The following AASDH variants were observed in gnomAD, a reference collection of about 807,000 sequenced individuals.
AASDH encodes the protein aminoadipate-semialdehyde dehydrogenase, also known as beta-alanine-activating enzyme.
AASDH carries 81 observed loss-of-function variants against 102.3 expected under a neutral mutation model. The observed-to-expected ratio is 0.79, with a 90% CI of 0.66 to 0.95. AASDH has a LOEUF of 0.95. Among genes scored for constraint, AASDH ranks in the 40% least tolerant of loss-of-function variants. The pLI is 0.00. For synonymous variants in AASDH, 398 were observed against 454.0 expected (o/e 0.88, Z 1.57); for missense variants, 1,203 against 1,266.2 (o/e 0.95, Z 0.76).
Position 56,378,289 on chromosome 4 carries a change from T to C in AASDH, c.527A>G (p.Asn176Ser), listed in dbSNP as rs761387093. Residue 176 changes from asparagine to serine, a missense_variant, in exon 4 of 15, where the codon AAT (asparagine) becomes AGT (serine). Physicochemically the swap from Asn to Ser is conservative, Grantham distance 46 (BLOSUM62 1). Coordinates refer to ENST00000205214, the MANE Select transcript of AASDH (RefSeq NM_181806.4). ...CATGTGTTCTTCTGCTTTTTCTTCATTGACATGCTCAGAACTTATGCTTTT... is the reference window on the plus strand; with the variant it reads ...CATGTGTTCTTCTGCTTTTTCTTCACTGACATGCTCAGAACTTATGCTTTT... Reference protein sequence around the residue: ...KIKSISSEHVNEEKAEEHMDL... With the variant: ...KIKSISSEHVSEEKAEEHMDL... 1.1e-5 allele frequency: 17 copies of C among 1,614,132 alleles called. No individual in the cohort carries two copies. Among genetic ancestry groups the C allele is most frequent in the Admixed American group, 5.0e-5 (3 of 60,010 alleles).
chr4:56,356,624 A>G (rs994578426), intron 5 of AASDH: 71 of 703,436 alleles, frequency 1.0e-4, no homozygotes, highest in Non-Finnish European at 1.8e-4. Context: ...GCTCCCATCG[A>G]GTTGGTTGTC....
intron 5 of AASDH, among the ~76,000 whole-genome samples, chr4:56,364,334 C>T (rs1012436486): frequency 6.6e-5 from 10 of 152,070 alleles, no homozygotes; most frequent in Non-Finnish European, 1.3e-4. Context: ...TCTAGTAAGG[C>T]AGGCCAACAT....
chr4:56,350,193 G>A (rs1240773373), intron 10 of AASDH, 135 bp from the exon 11 acceptor site: 8 of 841,642 alleles, frequency 9.5e-6, no homozygotes, highest in East Asian at 2.7e-5. Flanking sequence ...AGTGGCTCAC[G>A]CCTGTAATCC....
intron 3 of AASDH, 136 bp from the exon 4 acceptor site, chr4:56,378,600 A>G: frequency 1.3e-6 from 1 of 755,874 alleles, no homozygotes. Flanking sequence ...CAGATACCAA[A>G]ATCTGAAGAT....
intron 4 of AASDH, among the ~76,000 whole-genome samples, chr4:56,373,767 G>T (rs1752010751): frequency 6.6e-6 from 1 of 152,056 alleles, no homozygotes; most frequent in Admixed American, 6.6e-5. Flanking sequence ...TAAATTCTGA[G>T]AATATTTTTA....
rs761472876 is a variant in AASDH at position 56,343,012 on chromosome 4, A to T, written c.2776-46T>A. ...TCACAGCATTTTATGTCATCCTACT[A>T]ATCAGTTACCCTTTAAAAAACAAAC... On this transcript the variant is annotated intron_variant, in intron 13 of 14. Coordinates refer to ENST00000205214, the MANE Select transcript of AASDH (RefSeq NM_181806.4). 3 of 1,488,910 alleles carry T rather than the reference A, an allele frequency of 2.0e-6. No individual in the cohort carries two copies. The East Asian group carries it at 7.7e-5, about 38-fold the overall frequency. The allele number at this position is 1,488,910 out of a possible 1,614,324, so 92.2% of individuals were successfully genotyped here. A position where few individuals can be genotyped will look rare whatever the true frequency, so the allele number is the denominator to read the frequency against.
chr4:56,369,341 C>G (rs142717652), intron 5 of AASDH, among the ~76,000 whole-genome samples: 1,769 of 152,220 alleles, frequency 0.012, 20 homozygotes, highest in Middle Eastern at 0.041. Context: ...TGCAAACATT[C>G]CGTGAGAAAT....
In AASDH at chr4:56,355,322, C is replaced by G. The variant is rs768281923; in HGVS notation, c.963G>C (p.Ala321=). 6.2e-7 allele frequency: 1 copy of G among 1,614,106 alleles called. No individual in the cohort carries two copies. Among genetic ancestry groups the G allele is most frequent in the Non-Finnish European group, 8.5e-7 (1 of 1,180,018 alleles). Residue 321 remains alanine, a synonymous_variant, in exon 6 of 15, where the codon GCG becomes GCC. Coordinates refer to ENST00000205214, the MANE Select transcript of AASDH (RefSeq NM_181806.4). ...TTCTGAGAACTGTCAATGATGGAAA[C>G]GCTTCACCACCAAGGGCTAATACTC... is the stretch of plus-strand genomic sequence containing the variant. ...SLRVLALGGE[A]FPSLTVLRSW... is the part of the protein sequence containing the mutation.
Position 56,338,758 on chromosome 4 carries a change from A to AAAAG in AASDH, c.2937_2940dup (p.Ser981LeufsTer19), listed in dbSNP as rs777947426. Reference sequence around the variant, plus strand: ...TCTGATGGTGAGGTACACGGGGATGAAAAGATTGGTCCACTGGTAGAGAAC... The same window carrying AAAAG: ...TCTGATGGTGAGGTACACGGGGATGAAAAGAAAGATTGGTCCACTGGTAGAGAAC... On this transcript the variant is annotated frameshift_variant, in exon 15 of 15. Coordinates refer to ENST00000205214, the MANE Select transcript of AASDH (RefSeq NM_181806.4). LOFTEE classifies it low-confidence loss of function (END_TRUNC). The AAAAG allele has an allele frequency of 2.5e-6, 4 of 1,614,198 alleles. No homozygotes were observed. Among genetic ancestry groups the AAAAG allele is most frequent in the Non-Finnish European group, 3.4e-6 (4 of 1,180,032 alleles).
rs188383950 is a variant in AASDH at position 56,354,582 on chromosome 4, G to A, written c.1210+123C>T. On this transcript the variant is annotated intron_variant, in intron 7 of 14. Coordinates refer to ENST00000205214, the MANE Select transcript of AASDH (RefSeq NM_181806.4). The stretch of plus-strand genomic sequence containing the variant: ...TTTGGTATTTCATGACTATATGAAT[G>A]AGAATAAAAATTATCACTGAAAAGC... 195 of 692,258 alleles carry A rather than the reference G, an allele frequency of 2.8e-4. No homozygotes were observed. The African/African-American group carries it at 3.1e-3, about 11-fold the overall frequency. 42.9% of individuals were successfully genotyped at this position (692,258 alleles called of 1,614,324 possible).
chr4:56,349,044 C>T, intron 11 of AASDH: 1 of 545,678 alleles, frequency 1.8e-6, no homozygotes. Context: ...AGTAACTTGC[C>T]AAAGGTCACA....
At chr4:56,379,653 T>A (rs1218113652) in intron 3 of AASDH, among the ~76,000 whole-genome samples, 6 of 152,196 alleles carry the variant, frequency 3.9e-5, no homozygotes, top group African/African-American at 1.4e-4. Flanking sequence ...GCAATGCGTA[T>A]GATAATAAAG....
At chr4:56,371,364 A>G in intron 5 of AASDH, 87 bp downstream of exon 5, 2 of 1,351,892 alleles carry the variant, frequency 1.5e-6, no homozygotes, top group Non-Finnish European at 2.0e-6. Context: ...ATCCATTGTA[A>G]AGAACTACAG....
chr4:56,361,396 A>C (rs1036929371), intron 5 of AASDH, among the ~76,000 whole-genome samples: 2 of 152,048 alleles, frequency 1.3e-5, no homozygotes, highest in Non-Finnish European at 2.9e-5. Flanking sequence ...GTGACAGAGT[A>C]AGATTCCATC....
intron 11 of AASDH, among the ~76,000 whole-genome samples, chr4:56,348,075 C>T (rs1249169032): frequency 1.3e-5 from 2 of 151,284 alleles, no homozygotes; most frequent in Non-Finnish European, 2.9e-5. Flanking sequence ...CACTTGAACC[C>T]GGGAGGTGGA....
intron 5 of AASDH, among the ~76,000 whole-genome samples, chr4:56,360,357 A>G (rs915726961): frequency 6.6e-6 from 1 of 152,184 alleles, no homozygotes; most frequent in Non-Finnish European, 1.5e-5. Flanking sequence ...AGGGCTCCCT[A>G]CTGGCCTACT....
At chr4:56,368,374 T>C (rs1751278455) in intron 5 of AASDH, among the ~76,000 whole-genome samples, 1 of 152,136 alleles carries the variant, frequency 6.6e-6, no homozygotes, top group African/African-American at 2.4e-5. Context: ...ACTGGGTATA[T>C]ACCCAAAGGA....
rs1038706229 is a variant in AASDH, at chr4:56,342,868, C to G, written c.2874G>C (p.Gly958=). The G allele has an allele frequency of 1.3e-6, 2 of 1,527,494 alleles. No homozygotes were observed. Among genetic ancestry groups the G allele is most frequent in the Admixed American group, 1.9e-5 (1 of 51,978 alleles). 94.6% of individuals were successfully genotyped at this position (1,527,494 alleles called of 1,614,324 possible). A position where few individuals can be genotyped will look rare whatever the true frequency, so the allele number is the denominator to read the frequency against. ...SQYICIGCVD[G]NLLCFTHFGE... ...CAAAGTGAGTAAAGCAGAGTAAATT[C>G]CCATCTACACAGCCAATACAAATAT... Residue 958 remains glycine (G), a synonymous_variant, in exon 14 of 15, where the codon GGG becomes GGC. Transcript: ENST00000205214.
At chr4:56,360,538 A>C (rs1257344484) in intron 5 of AASDH, among the ~76,000 whole-genome samples, 1 of 152,200 alleles carries the variant, frequency 6.6e-6, no homozygotes, top group Non-Finnish European at 1.5e-5. Flanking sequence ...TTTTTACACA[A>C]AATTCAGCAG....
Sources: allele counts gnomAD v4.1 joint callset (sites outside exome capture counted in the v4.1 genomes callset), GRCh38; gene constraint gnomAD v4.1.1; transcripts MANE v1.5; gene names NCBI Gene and HGNC (gene_info 2026-07-23, HGNC 2026-07-21).